Variants in UPF2 observed in about 807,000 individuals in gnomAD.
UPF2 encodes regulator of nonsense transcripts 2.
UPF2 carries 17 observed loss-of-function variants against 141.4 expected under a neutral mutation model. The observed-to-expected ratio is 0.12, with a 90% confidence interval of 0.08 to 0.18. UPF2 has a LOEUF of 0.18. Ranked by LOEUF, UPF2 falls within the 10% of genes least tolerant of loss-of-function variation. The pLI, the probability that UPF2 is intolerant of heterozygous loss-of-function variation, is 1.00. For synonymous variants in UPF2, 540 were observed against 498.0 expected (o/e 1.08, Z -1.12); for missense variants, 1,152 against 1,515.9 (o/e 0.76, Z 3.99).
At chr10:11,938,764 C>T (rs1322480935) in intron 18 of UPF2, among the ~76,000 whole-genome samples, 1 of 150,190 alleles carries the variant, frequency 6.7e-6, no homozygotes, top group East Asian at 1.9e-4. Flanking sequence ...TTTCTTATAG[C>T]ATCCTGTGCT....
intron 3 of UPF2, among the ~76,000 whole-genome samples, chr10:12,021,790 T>C (rs1279687752): frequency 2.6e-5 from 4 of 152,150 alleles, no homozygotes; most frequent in Non-Finnish European, 5.9e-5. Flanking sequence ...GAAAAACTGC[T>C]GGGTTTTATA....
chr10:11,965,649 C>T (rs1049150077), intron 10 of UPF2, among the ~76,000 whole-genome samples: 7 of 152,158 alleles, frequency 4.6e-5, no homozygotes, highest in Admixed American at 2.0e-4. Flanking sequence ...TTAGTAGAAA[C>T]GGCGTTTCAC....
chr10:11,990,820 C>T (rs1833767016), intron 8 of UPF2, among the ~76,000 whole-genome samples: 1 of 151,788 alleles, frequency 6.6e-6, no homozygotes, highest in Admixed American at 6.6e-5. Flanking sequence ...AACCCTGTCT[C>T]TACTAAAAAT....
chr10:11,977,645 A>G (rs1275799301), intron 9 of UPF2, among the ~76,000 whole-genome samples: 2 of 152,178 alleles, frequency 1.3e-5, no homozygotes, highest in Non-Finnish European at 2.9e-5. Context: ...CACTAGTAAA[A>G]CAGTTCCTTC....
chr10:12,018,597 C>A (rs971768408), intron 3 of UPF2, among the ~76,000 whole-genome samples: 4 of 150,900 alleles, frequency 2.7e-5, no homozygotes, highest in Admixed American at 6.6e-5. Context: ...AAAAAAAAAA[C>A]AAAAATTAGT....
chr10:11,935,346 G>A lies in UPF2; in HGVS notation c.3546+1199C>T, dbSNP rs1339784103. 6.6e-6 allele frequency among the ~76,000 whole-genome samples: 1 copy of A among 152,142 alleles called. No individual in the cohort carries two copies. Among genetic ancestry groups the A allele is most frequent in the Non-Finnish European group, 1.5e-5 (1 of 68,026 alleles). ...CTATATTCTGCACACAGAAGTGCCT[G>A]GTGTGTAGCAGGTAAATAATAAATA... On this transcript the variant is annotated intron_variant, in intron 19 of 21. Coordinates refer to ENST00000357604, the MANE Select transcript of UPF2 (RefSeq NM_015542.4). This position sits in a 1 kb window ranked among gnomAD's most constrained non-coding sequence, Gnocchi z 4.9.
At chr10:11,950,410 G>A (rs1397884467) in intron 15 of UPF2, among the ~76,000 whole-genome samples, 1 of 152,144 alleles carries the variant, frequency 6.6e-6, no homozygotes, top group African/African-American at 2.4e-5. Flanking sequence ...CCTCAACCAG[G>A]AAGCAAATGG....
At chr10:12,031,217 T>G (rs1834519227) in intron 2 of UPF2, among the ~76,000 whole-genome samples, 1 of 151,744 alleles carries the variant, frequency 6.6e-6, no homozygotes, top group Non-Finnish European at 1.5e-5. Context: ...TGTTAGATAT[T>G]GTTTTTCCAT....
chr10:11,950,447 C>T lies in UPF2; in HGVS notation c.3034+1619G>A, dbSNP rs148474990. Among the ~76,000 whole-genome samples, 40 of 152,244 alleles carry T rather than the reference C, an allele frequency of 2.6e-4. No individual in the cohort carries two copies. In the East Asian group the frequency reaches 6.0e-3, roughly 23 times the overall value. On this transcript the variant is annotated intron_variant, in intron 15 of 21. Coordinates refer to ENST00000357604, the MANE Select transcript of UPF2 (RefSeq NM_015542.4). ...GACTTGGGAGTGCACTGATTGCGGC[C>T]GCTACCATCTTTAGAGTTTCATTCA...
At chr10:11,951,896 T>TA (rs1740968732) in intron 15 of UPF2, 170 bp downstream of exon 15, 1 of 600,050 alleles carries the variant, frequency 1.7e-6, no homozygotes, top group Admixed American at 3.4e-5. Flanking sequence ...TGAAATTACT[T>TA]AGTGAAATCA....
intron 2 of UPF2, among the ~76,000 whole-genome samples, chr10:12,031,699 C>A (rs1377931726): frequency 6.6e-6 from 1 of 151,826 alleles, no homozygotes; most frequent in Non-Finnish European, 1.5e-5. Context: ...TCGCTTGAGC[C>A]CAGGAGGTTG....
chr10:12,016,510 A>G lies in UPF2; in HGVS notation c.1146-2326T>C, dbSNP rs546680919. Among the ~76,000 whole-genome samples, 154 of 151,888 alleles carry G rather than the reference A, an allele frequency of 1.0e-3. No homozygotes were observed. The highest frequency in any genetic ancestry group is 3.7e-3 in the African/African-American group (152 of 41,450). On this transcript the variant is annotated intron_variant, in intron 3 of 21. Coordinates refer to ENST00000357604, the MANE Select transcript of UPF2 (RefSeq NM_015542.4). The surrounding 1 kb of genome is among the most constrained non-coding windows in gnomAD (Gnocchi z 4.1). ...GGAGTTTGAGACCAGCCTGGCCAAT[A>G]TGGTGAAACTCTGTCTCTACTAAAA...
intron 15 of UPF2, among the ~76,000 whole-genome samples, chr10:11,950,015 A>G (rs563430307): frequency 6.6e-6 from 1 of 152,294 alleles, no homozygotes; most frequent in East Asian, 1.9e-4. Context: ...AAAAAATTTC[A>G]TAATGTATTA....
intron 2 of UPF2, among the ~76,000 whole-genome samples, chr10:12,032,810 T>C (rs777124103): frequency 2.0e-5 from 3 of 151,840 alleles, no homozygotes; most frequent in African/African-American, 7.3e-5. Context: ...ACTATAGCTT[T>C]GCAGACCTAA....
Position 11,936,409 on chromosome 10 carries a change from T to A in UPF2, c.3546+136A>T. On this transcript the variant is annotated intron_variant, in intron 19 of 21. Coordinates refer to ENST00000357604, the MANE Select transcript of UPF2 (RefSeq NM_015542.4). The surrounding 1 kb of genome is among the most constrained non-coding windows in gnomAD (Gnocchi z 6.6). ...ACAAAAACAAAAACAAAAAAAACTA[T>A]ATAAGGGAAGAAATTATTCTACCAC... 1 of 923,910 alleles carries A rather than the reference T, an allele frequency of 1.1e-6. No individual in the cohort carries two copies. Among genetic ancestry groups the A allele is most frequent in the Non-Finnish European group, 1.5e-6 (1 of 673,770 alleles). The allele number at this position is 923,910 out of a possible 1,614,324, so 57.2% of individuals were successfully genotyped here. A position where few individuals can be genotyped will look rare whatever the true frequency, so the allele number is the denominator to read the frequency against.
At chr10:11,938,035 A>C (rs75381160) in intron 18 of UPF2, among the ~76,000 whole-genome samples, 4,344 of 152,272 alleles carry the variant, frequency 0.029, 75 homozygotes, top group Non-Finnish European at 0.033. Context: ...CCACTGCCCC[A>C]ACCCCAAGAT....
chr10:12,027,055 G>T (rs184862469), intron 3 of UPF2, among the ~76,000 whole-genome samples: 28 of 152,184 alleles, frequency 1.8e-4, no homozygotes, highest in African/African-American at 6.7e-4. Context: ...TCAAGTACCT[G>T]TATTCCATCC....
chr10:11,941,606 G>A (rs991472362), intron 18 of UPF2, among the ~76,000 whole-genome samples: 19 of 150,464 alleles, frequency 1.3e-4, no homozygotes, highest in African/African-American at 4.6e-4. Flanking sequence ...ACCTTCTCTA[G>A]CTACCTCCCC....
chr10:11,938,867 T>TTTTTTTG (rs1564337874), intron 18 of UPF2, among the ~76,000 whole-genome samples: 3 of 103,358 alleles, frequency 2.9e-5, no homozygotes, highest in East Asian at 3.2e-4. Flanking sequence ...TTTTTTTTTT[T>TTTTTTTG]TTTTTTTTTT....
Sources: gnomAD v4.1 joint callset for allele counts (sites outside exome capture counted in the v4.1 genomes callset) on GRCh38, gnomAD v4.1.1 for gene constraint, Gnocchi (gnomAD v3.1) non-coding constraint, MANE v1.5 for transcripts, NCBI Gene and HGNC (gene_info 2026-07-23, HGNC 2026-07-21) for gene names.